Variants in SP140 observed in about 807,000 individuals in gnomAD.
SP140 encodes nuclear body protein SP140.
A neutral mutation model predicts 125.0 loss-of-function variants in SP140; 81 were observed. The ratio of observed to expected loss-of-function variants is 0.65; its 90% confidence interval spans 0.54 to 0.78. The LOEUF is 0.78. Ranked by LOEUF, SP140 falls within the 30% of genes least tolerant of loss-of-function variation. The probability of loss-of-function intolerance (pLI) is 0.00; values close to 1 mark genes in which losing one functional copy is unlikely to be tolerated. For synonymous variants in SP140, 312 were observed against 354.0 expected, an observed-to-expected ratio of 0.88 and a Z score of 1.33; for missense variants, 858 against 1,037.0, an observed-to-expected ratio of 0.83 and a Z score of 2.37.
intron 15 of SP140, among the ~76,000 whole-genome samples, chr2:230,271,300 C>G (rs1559303460): frequency 6.6e-6 from 1 of 152,122 alleles, no homozygotes; most frequent in Non-Finnish European, 1.5e-5. Flanking sequence ...GGGCAATGGA[C>G]AGAGGCTGGA....
At position 230,237,442 on chromosome 2, in the gene SP140, G is replaced by A; in HGVS notation, c.237+182G>A. ...CTCCCTTCTTCTGTAGTAAATGTTG[G>A]GGGAGGGCCACAGTGAGGGAGGTGG... On this transcript the variant is annotated intron_variant, in intron 2 of 26. Coordinates refer to ENST00000392045, the MANE Select transcript of SP140 (RefSeq NM_007237.5). This position sits in a 1 kb window ranked among gnomAD's most constrained non-coding sequence, Gnocchi z 5.4. The A allele has an allele frequency of 1.8e-6, 1 of 560,904 alleles. No homozygotes were observed. The highest frequency in any genetic ancestry group is 3.1e-5 in the East Asian group (1 of 32,436). The allele number at this position is 560,904 out of a possible 1,614,324, so 34.7% of individuals were successfully genotyped here. A position where few individuals can be genotyped will look rare whatever the true frequency, so the allele number is the denominator to read the frequency against.
chr2:230,296,477 T>C (rs901142785), intron 21 of SP140, among the ~76,000 whole-genome samples: 1 of 152,162 alleles, frequency 6.6e-6, no homozygotes, highest in Non-Finnish European at 1.5e-5. Flanking sequence ...CCAAAAGCAA[T>C]CTAAATAAAT....
chr2:230,208,559 T>C (rs1394899048), intron 1 of SP140, among the ~76,000 whole-genome samples: 1 of 152,180 alleles, frequency 6.6e-6, no homozygotes, highest in East Asian at 1.9e-4. Flanking sequence ...AAGGGGATTC[T>C]CATCTGATAT....
intron 3 of SP140, among the ~76,000 whole-genome samples, chr2:230,239,348 A>G (rs6436925): frequency 0.025 from 3,779 of 152,308 alleles, 177 homozygotes; most frequent in African/African-American, 0.086. Context: ...GTATACTTTA[A>G]ATCATCTCTA....
intron 15 of SP140, among the ~76,000 whole-genome samples, chr2:230,282,925 G>T (rs959717465): frequency 6.6e-6 from 1 of 152,206 alleles, no homozygotes; most frequent in African/African-American, 2.4e-5. Context: ...TCCTTGATTT[G>T]TTTGTGTGTG....
chr2:230,214,942 C>A, intron 3 of SP140: 1 of 1,613,252 alleles, frequency 6.2e-7, no homozygotes, highest in Non-Finnish European at 8.5e-7. Context: ...CTTGAGAAAT[C>A]TCATTACCAC....
chr2:230,215,133 T>G, intron 3 of SP140: 1 of 1,605,318 alleles, frequency 6.2e-7, no homozygotes, highest in Non-Finnish European at 8.5e-7. Flanking sequence ...AAAAATGGAG[T>G]GAAGGTTTTT....
chr2:230,314,365 G>A (rs1040200080), downstream of SP140, among the ~76,000 whole-genome samples: 18 of 152,342 alleles, frequency 1.2e-4, no homozygotes, highest in African/African-American at 3.6e-4. Context: ...TTTATCCTCC[G>A]AAGGAGCTGT....
At chr2:230,288,015 C>A in intron 18 of SP140, 49 bp downstream of exon 18, 1 of 1,475,834 alleles carries the variant, frequency 6.8e-7, no homozygotes, top group Non-Finnish European at 9.4e-7. Flanking sequence ...CATCTAATTT[C>A]CTGTGCGGTA....
In SP140 at chr2:230,211,519, A is replaced by G. The variant is rs750630805; in HGVS notation, c.-322-2135A>G. The G allele has an allele frequency of 1.2e-5, 19 of 1,612,260 alleles. No homozygotes were observed. Among genetic ancestry groups the G allele is most frequent in the Non-Finnish European group, 1.5e-5 (18 of 1,178,288 alleles). On this transcript the variant is annotated intron_variant, in intron 1 of 4. Coordinates refer to the SP140 transcript ENST00000456542. The surrounding 1 kb of genome is among the most constrained non-coding windows in gnomAD (Gnocchi z 4.2). ...GGGGCATCTCTTGAGGGTCTTCTTTATCTCTTATTTGGGGGATCAGGTTGT... is the reference window on the plus strand; with the variant it reads ...GGGGCATCTCTTGAGGGTCTTCTTTGTCTCTTATTTGGGGGATCAGGTTGT...
chr2:230,246,726 G>A (rs2049507939), intron 7 of SP140, among the ~76,000 whole-genome samples: 1 of 152,052 alleles, frequency 6.6e-6, no homozygotes, highest in Non-Finnish European at 1.5e-5. Flanking sequence ...AACAGATAGA[G>A]GCATGGAAAT....
In SP140 at chr2:230,248,915, C is replaced by T; in HGVS notation, c.923C>T (p.Thr308Ile). 6.2e-7 allele frequency: 1 copy of T among 1,612,712 alleles called. No homozygotes were observed. Among genetic ancestry groups the T allele is most frequent in the Non-Finnish European group, 8.5e-7 (1 of 1,178,804 alleles). ...ETFDLKTPQV[T>I]NEGEPEKGLC... ...TTTGATCTAAAAACTCCCCAAGTCA[C>T]TAATGAAGGAGAACCAGAGAAGGGG... The change falls in exon 9 of 27, where the codon ACT (threonine) becomes ATT (isoleucine). Residue 308 changes from threonine to isoleucine, a missense_variant. Thr to Ile is a moderately conservative substitution (Grantham distance 89). This residue lies in a region of SP140 where 791 missense variants were observed against 869.5 expected (regional missense o/e 0.91). Coordinates refer to ENST00000392045, the MANE Select transcript of SP140 (RefSeq NM_007237.5).
chr2:230,200,471 G>A (rs562813240), upstream of SP140: 4 of 189,952 alleles, frequency 2.1e-5, no homozygotes, highest in African/African-American at 9.5e-5. Context: ...AAGGCCACAT[G>A]AGAAATATGG....
Position 230,281,528 on chromosome 2 carries a change from C to T in SP140, c.1499-2818C>T, listed in dbSNP as rs187381291. ...TTCTTATCAAGATACAGAACATGAT[C>T]ATCACCCTGGAAAGGTTCCTTACGC... On this transcript the variant is annotated intron_variant, in intron 15 of 26. Transcript: ENST00000392045. Among the ~76,000 whole-genome samples the T allele has an allele frequency of 1.9e-3, 297 of 152,328 alleles. 1 individual carries two copies. The highest frequency in any genetic ancestry group is 3.6e-3 in the Non-Finnish European group (247 of 68,014).
intron 19 of SP140, among the ~76,000 whole-genome samples, chr2:230,290,901 G>T (rs998185946): frequency 6.6e-6 from 1 of 152,154 alleles, no homozygotes; most frequent in African/African-American, 2.4e-5. Context: ...CTCCCTTCTG[G>T]AGTGCCATCA....
chr2:230,312,588 C>A lies in SP140; in HGVS notation c.2508C>A (p.Tyr836Ter). 1 of 1,602,618 alleles carries A rather than the reference C, an allele frequency of 6.2e-7. No individual in the cohort carries two copies. Among genetic ancestry groups the A allele is most frequent in the Non-Finnish European group, 8.5e-7 (1 of 1,171,570 alleles). The change falls in exon 27 of 27, where the codon TAC becomes TAA. Residue 836 changes from tyrosine (Y) to a stop codon, truncating the protein, a stop_gained and splice_region_variant. Transcript: ENST00000392045. LOFTEE classifies it high-confidence loss of function. ...IFQNHRASYK[Y>*]KDFGQMGFRL... Reference sequence around the variant, plus strand: ...TTTTGTCTTTATTATTTTTTCAGTACAAGGATTTTGGCCAAATGGGATTTA... The same window carrying A: ...TTTTGTCTTTATTATTTTTTCAGTAAAAGGATTTTGGCCAAATGGGATTTA...
intron 3 of SP140, among the ~76,000 whole-genome samples, chr2:230,240,577 T>C (rs977219515): frequency 6.6e-6 from 1 of 152,194 alleles, no homozygotes; most frequent in African/African-American, 2.4e-5. Context: ...ACATTATTAA[T>C]CATGAGGGAA....
chr2:230,287,954 G>T lies in SP140; in HGVS notation c.1708G>T (p.Val570Phe). 6.2e-7 allele frequency: 1 copy of T among 1,611,974 alleles called. No individual in the cohort carries two copies. Among genetic ancestry groups the T allele is most frequent in the South Asian group, 1.1e-5 (1 of 90,514 alleles). ...GAGTGACAGAGCTGCACAGAAAAGAGTCCGATCAAGAGGTAAAAAAGAAAA... is the reference window on the plus strand; with the variant it reads ...GAGTGACAGAGCTGCACAGAAAAGATTCCGATCAAGAGGTAAAAAAGAAAA... ...TQSDRAAQKR[V>F]RSRASRKHKD... Residue 570 changes from valine (V) to phenylalanine (F), a missense_variant, in exon 18 of 27, where the codon GTC becomes TTC. Transcript: ENST00000392045.
intron 15 of SP140, among the ~76,000 whole-genome samples, chr2:230,276,157 A>G (rs2054678525): frequency 6.6e-6 from 1 of 152,212 alleles, no homozygotes; most frequent in African/African-American, 2.4e-5. Flanking sequence ...ACAGTTTTAC[A>G]GTGTAGACTA....
Sources: allele counts gnomAD v4.1 joint callset (sites outside exome capture counted in the v4.1 genomes callset), GRCh38; gene constraint gnomAD v4.1.1; regional missense constraint gnomAD v4.1.1; non-coding constraint Gnocchi (gnomAD v3.1); transcripts MANE v1.5; gene names NCBI Gene and HGNC (gene_info 2026-07-23, HGNC 2026-07-21).